The following RABGAP1 variants were observed in gnomAD, a reference collection of about 807,000 sequenced individuals.
RABGAP1 encodes the protein rab GTPase-activating protein 1.
In RABGAP1, 23 loss-of-function variants were observed where a neutral mutation model predicts 137.6. The ratio of observed to expected loss-of-function variants is 0.17; its 90% confidence interval spans 0.12 to 0.24. The LOEUF (loss-of-function observed/expected upper bound fraction) is 0.24, where lower values mean the gene tolerates loss of function less well. Among genes scored for constraint, RABGAP1 ranks in the 10% least tolerant of loss-of-function variants. The pLI is 1.00. For synonymous variants in RABGAP1, 451 were observed against 450.7 expected (o/e 1.00, Z -0.01); for missense variants, 906 against 1,275.8 (o/e 0.71, Z 4.42).
chr9:123,096,516 C>A (rs1263377662), intron 21 of RABGAP1, among the ~76,000 whole-genome samples: 1 of 152,196 alleles, frequency 6.6e-6, no homozygotes, highest in Non-Finnish European at 1.5e-5. Flanking sequence ...TTGCAGTTTG[C>A]CAGTAATTAA....
intron 21 of RABGAP1, among the ~76,000 whole-genome samples, chr9:123,093,133 T>C (rs146597340): frequency 4.5e-4 from 69 of 152,344 alleles, no homozygotes; most frequent in African/African-American, 1.5e-3. Context: ...GTCATTCCTT[T>C]GAGCTCTTTC....
intron 4 of RABGAP1, among the ~76,000 whole-genome samples, chr9:122,987,021 C>A (rs890897783): frequency 6.6e-6 from 1 of 152,060 alleles, no homozygotes; most frequent in African/African-American, 2.4e-5. Flanking sequence ...CCTATAGTCC[C>A]AGCTACTCAG....
Position 123,103,842 on chromosome 9 carries a change from A to T in RABGAP1, c.*629A>T, listed in dbSNP as rs899723878. The T allele has an allele frequency of 1.3e-5, 2 of 151,100 alleles. No homozygotes were observed. Among genetic ancestry groups the T allele is most frequent in the Non-Finnish European group, 1.5e-5 (1 of 67,752 alleles). 9.4% of individuals were successfully genotyped at this position (151,100 alleles called of 1,614,324 possible). A position where few individuals can be genotyped will look rare whatever the true frequency, so the allele number is the denominator to read the frequency against. ...TCATGTTTCTGATCAATTCTATGCA[A>T]CTCTCATAGTTCCTGTTACTTTTTA... On this transcript the variant is annotated 3_prime_UTR_variant, in exon 26 of 26. Coordinates refer to ENST00000373647, the MANE Select transcript of RABGAP1 (RefSeq NM_012197.4).
chr9:123,099,220 A>G (rs569180415), intron 23 of RABGAP1, among the ~76,000 whole-genome samples: 2 of 152,276 alleles, frequency 1.3e-5, no homozygotes, highest in African/African-American at 4.8e-5. Context: ...CTGGCTCATG[A>G]GTCTGGCAGG....
chr9:122,947,457 C>T (rs1345604200), intron 1 of RABGAP1, among the ~76,000 whole-genome samples: 1 of 152,100 alleles, frequency 6.6e-6, no homozygotes, highest in Non-Finnish European at 1.5e-5. Context: ...TGTACACTTC[C>T]GTGGCTAAGA....
intron 19 of RABGAP1, among the ~76,000 whole-genome samples, chr9:123,087,341 A>G (rs1197634365): frequency 2.0e-5 from 3 of 152,150 alleles, no homozygotes; most frequent in South Asian, 2.1e-4. Flanking sequence ...TTTGGTGTCA[A>G]TTTGTTTTTT....
chr9:123,021,708 C>T (rs956974897), intron 13 of RABGAP1, among the ~76,000 whole-genome samples: 1 of 152,176 alleles, frequency 6.6e-6, no homozygotes, highest in Non-Finnish European at 1.5e-5. Flanking sequence ...TTCCCATCAT[C>T]CTATATCCAG....
intron 5 of RABGAP1, 132 bp from the exon 6 acceptor site, chr9:122,989,924 T>G (rs1836579245): frequency 2.4e-5 from 26 of 1,069,798 alleles, no homozygotes; most frequent in Admixed American, 5.5e-5. Context: ...CCTAACAAAT[T>G]AGGTAATTTA....
At chr9:123,076,523 A>C in intron 18 of RABGAP1, 111 bp from the exon 19 acceptor site, 1 of 1,303,086 alleles carries the variant, frequency 7.7e-7, no homozygotes, top group Non-Finnish European at 1.0e-6. Flanking sequence ...AAAGCTAAGA[A>C]GTATCTTCTG....
chr9:122,963,453 A>C (rs905645803), intron 2 of RABGAP1, among the ~76,000 whole-genome samples: 1 of 152,308 alleles, frequency 6.6e-6, no homozygotes, highest in East Asian at 1.9e-4. Flanking sequence ...AGGGCAGGAA[A>C]CTAGAAATCA....
the RABGAP1 span, among the ~76,000 whole-genome samples, chr9:122,935,494 C>T: frequency 3.3e-5 from 5 of 152,106 alleles, no homozygotes; most frequent in African/African-American, 7.2e-5. Context: ...CCCACCACCA[C>T]GCCCAGCTAA....
intron 2 of RABGAP1, among the ~76,000 whole-genome samples, chr9:122,966,072 G>A (rs1835129744): frequency 6.6e-6 from 1 of 152,174 alleles, no homozygotes; most frequent in Non-Finnish European, 1.5e-5. Flanking sequence ...AGAAAGGTAA[G>A]TCCAGAATTG....
chr9:123,067,221 G>C (rs928242440), intron 14 of RABGAP1, among the ~76,000 whole-genome samples: 3 of 152,098 alleles, frequency 2.0e-5, no homozygotes, highest in African/African-American at 7.2e-5. Context: ...CATTTCTGTT[G>C]GTTTTCAGTC....
chr9:123,085,602 T>G (rs2034839495), intron 19 of RABGAP1, among the ~76,000 whole-genome samples: 1 of 152,224 alleles, frequency 6.6e-6, no homozygotes, highest in African/African-American at 2.4e-5. Flanking sequence ...CTGATAGGAA[T>G]CAGTGAACAG....
At chr9:122,993,870 G>T (rs2131803241) in intron 6 of RABGAP1, among the ~76,000 whole-genome samples, 1 of 152,116 alleles carries the variant, frequency 6.6e-6, no homozygotes, top group South Asian at 2.1e-4. Flanking sequence ...TACCATGTTG[G>T]CCAGGCTGGT....
At chr9:122,934,300 G>T in the RABGAP1 span, among the ~76,000 whole-genome samples, 1 of 151,358 alleles carries the variant, frequency 6.6e-6, no homozygotes, top group African/African-American at 2.4e-5. Context: ...GGATGGTCTC[G>T]ATCTCCTGAC....
rs1329719597 is a variant in RABGAP1, at chr9:123,061,631, G to A, written c.1795-3717G>A. On this transcript the variant is annotated intron_variant, in intron 13 of 25. Coordinates refer to ENST00000373647, the MANE Select transcript of RABGAP1 (RefSeq NM_012197.4). ...TTTTTGTTTTCTTCTGGAAATTAAG[G>A]GTGTTTTTCTTGGGATAAATGAATT... Among the ~76,000 whole-genome samples, 3 of 152,018 alleles carry A rather than the reference G, an allele frequency of 2.0e-5. No homozygotes were observed. The East Asian group carries it at 5.8e-4, about 29-fold the overall frequency.
chr9:122,993,287 T>C (rs1369783195), intron 6 of RABGAP1, among the ~76,000 whole-genome samples: 1 of 152,150 alleles, frequency 6.6e-6, no homozygotes, highest in Admixed American at 6.5e-5. Flanking sequence ...ATTATTATTT[T>C]GAGACGGAGT....
intron 13 of RABGAP1, among the ~76,000 whole-genome samples, chr9:123,031,694 A>G (rs924717699): frequency 1.3e-5 from 2 of 152,156 alleles, no homozygotes; most frequent in Non-Finnish European, 2.9e-5. Context: ...TTGATTCCTA[A>G]GTTTCATACC....
Sources: allele counts gnomAD v4.1 joint callset (sites outside exome capture counted in the v4.1 genomes callset), GRCh38; gene constraint gnomAD v4.1.1; transcripts MANE v1.5; gene names NCBI Gene and HGNC (gene_info 2026-07-23, HGNC 2026-07-21).